RNF10: variants seen among roughly 807,000 people sequenced by gnomAD.
The protein encoded by RNF10 is ring finger protein 10, also known as E3 ubiquitin-protein ligase RNF10.
In RNF10, 38 loss-of-function variants were observed where a neutral mutation model predicts 91.4. The ratio of observed to expected loss-of-function variants is 0.42; its 90% CI spans 0.32 to 0.54. RNF10 has a LOEUF of 0.54. RNF10 is among the 20% of genes least tolerant of loss of function. RNF10 has a pLI of 0.16. For synonymous variants in RNF10, 364 were observed against 366.3 expected (o/e 0.99, Z 0.07); for missense variants, 945 against 1,012.0 (o/e 0.93, Z 0.90).
At chr12:120,568,597 T>C (rs1876127590) in intron 13 of RNF10, among the ~76,000 whole-genome samples, 1 of 151,558 alleles carries the variant, frequency 6.6e-6, no homozygotes, top group Non-Finnish European at 1.5e-5. Flanking sequence ...TGCCTCAGCC[T>C]CATGAGTAGC....
At chr12:120,562,146 C>A (rs1874922835) in intron 7 of RNF10, among the ~76,000 whole-genome samples, 1 of 152,102 alleles carries the variant, frequency 6.6e-6, no homozygotes, top group Admixed American at 6.6e-5. Flanking sequence ...CCTCCCTCCT[C>A]CCACTCTCCA....
At chr12:120,545,932 G>A (rs1171109341) in intron 1 of RNF10, among the ~76,000 whole-genome samples, 1 of 152,214 alleles carries the variant, frequency 6.6e-6, no homozygotes, top group Non-Finnish European at 1.5e-5. Context: ...CAGTTTTGCT[G>A]TTAATGCCTT....
intron 1 of RNF10, among the ~76,000 whole-genome samples, chr12:120,539,724 T>G (rs1172830640): frequency 6.6e-6 from 1 of 152,128 alleles, no homozygotes; most frequent in Non-Finnish European, 1.5e-5. Flanking sequence ...TTAAGTCATT[T>G]ATTTGTCGAC....
chr12:120,576,515 T>A, intron 16 of RNF10, 75 bp from the exon 17 acceptor site: 1 of 1,552,642 alleles, frequency 6.4e-7, no homozygotes, highest in Non-Finnish European at 8.7e-7. Context: ...ACTCTGTGAC[T>A]CTCAGTAATG....
At chr12:120,550,596 T>C (rs1872900525) in intron 2 of RNF10, among the ~76,000 whole-genome samples, 1 of 151,936 alleles carries the variant, frequency 6.6e-6, no homozygotes, top group African/African-American at 2.4e-5. Context: ...TTTTTGTTTT[T>C]TGTTTGCTTT....
intron 14 of RNF10, chr12:120,574,633 G>T (rs1290065873): frequency 1.2e-5 from 5 of 432,896 alleles, no homozygotes; most frequent in Non-Finnish European, 2.3e-5. Flanking sequence ...GTTTAAAACT[G>T]GAGGGTACTT....
At position 120,576,616 on chromosome 12, in the gene RNF10, AAAC is replaced by A; in HGVS notation, c.2388_2390del (p.Gln797del). The A allele has an allele frequency of 6.2e-7, 1 of 1,613,972 alleles. No homozygotes were observed. Among genetic ancestry groups the A allele is most frequent in the African/African-American group, 1.3e-5 (1 of 75,036 alleles). On this transcript the variant is annotated inframe_deletion, in exon 17 of 17. Coordinates refer to ENST00000325954, the MANE Select transcript of RNF10 (RefSeq NM_014868.5). ...AGAGAAAGGAGGAAAGAAAAGAAAA[AAAC>A]AGAAACAGAAGCTCCTGTTCAGCAC... is the stretch of plus-strand genomic sequence containing the variant.
At position 120,544,485 on chromosome 12, in the gene RNF10, C is replaced by G. The variant is rs1479414278; in HGVS notation, c.158-1920C>G. 2.0e-5 allele frequency among the ~76,000 whole-genome samples: 3 copies of G among 152,046 alleles called. No homozygotes were observed. In the East Asian group the frequency reaches 5.8e-4, roughly 29 times the overall value. ...CAGCCTGGGCAACAAAGGCAAACCT[C>G]GTCTCTACAAAAAACACAAAAATCA... On this transcript the variant is annotated intron_variant, in intron 1 of 16. Transcript: ENST00000325954.
rs1272135882 is a variant in RNF10 at position 120,565,419 on chromosome 12, A to G, written c.1784-9A>G. 6.2e-7 allele frequency: 1 copy of G among 1,613,614 alleles called. No homozygotes were observed. Among genetic ancestry groups the G allele is most frequent in the Non-Finnish European group, 8.5e-7 (1 of 1,179,684 alleles). On this transcript the variant is annotated splice_polypyrimidine_tract_variant and intron_variant, in intron 11 of 16. Transcript: ENST00000325954. ...GGGTCTACCTCTTTACAACCTGACCAATCTGCAGATGACATTGAGAAGAGG... is the reference window on the plus strand; with the variant it reads ...GGGTCTACCTCTTTACAACCTGACCGATCTGCAGATGACATTGAGAAGAGG...
At chr12:120,541,031 A>AT (rs1489606625) in intron 1 of RNF10, among the ~76,000 whole-genome samples, 30 of 151,820 alleles carry the variant, frequency 2.0e-4, no homozygotes, top group African/African-American at 6.8e-4. Flanking sequence ...AATTTTTTGT[A>AT]TTTTTAGTAG....
chr12:120,572,057 G>A (rs1876709839), intron 14 of RNF10, among the ~76,000 whole-genome samples: 1 of 125,660 alleles, frequency 8.0e-6, no homozygotes, highest in Non-Finnish European at 1.7e-5. Context: ...TCATTATCTT[G>A]ACAGTTTTTT....
intron 2 of RNF10, among the ~76,000 whole-genome samples, chr12:120,547,790 T>C (rs956821683): frequency 1.3e-5 from 2 of 152,144 alleles, no homozygotes; most frequent in African/African-American, 2.4e-5. Flanking sequence ...TGGCTTTTGT[T>C]CAGAGAGATG....
At chr12:120,548,547 G>C (rs1486232467) in intron 2 of RNF10, among the ~76,000 whole-genome samples, 2 of 152,210 alleles carry the variant, frequency 1.3e-5, no homozygotes, top group East Asian at 3.9e-4. Context: ...AGGAGGATGG[G>C]AAGAAGAAAC....
intron 16 of RNF10, 148 bp from the exon 17 acceptor site, chr12:120,576,442 G>A: frequency 1.6e-6 from 2 of 1,231,602 alleles, no homozygotes; most frequent in Non-Finnish European, 2.2e-6. Context: ...CCCACTTGGT[G>A]TATACCAAGA....
chr12:120,566,457 T>C (rs956570649), intron 12 of RNF10, among the ~76,000 whole-genome samples: 5 of 152,106 alleles, frequency 3.3e-5, no homozygotes, highest in African/African-American at 1.2e-4. Flanking sequence ...TCCTCAACTG[T>C]TGGAAACTAT....
At chr12:120,560,961 C>A in intron 7 of RNF10, 75 bp downstream of exon 7, 1 of 1,457,004 alleles carries the variant, frequency 6.9e-7, no homozygotes, top group Non-Finnish European at 9.4e-7. Context: ...AAATGCTAAA[C>A]CTTTTCACTC....
intron 15 of RNF10, 50 bp downstream of exon 15, chr12:120,575,738 G>C: frequency 6.2e-7 from 1 of 1,613,966 alleles, no homozygotes; most frequent in Non-Finnish European, 8.5e-7. Context: ...TTCCATAAAA[G>C]GCTGTTTCTA....
chr12:120,574,295 T>G (rs1464395119), intron 14 of RNF10, among the ~76,000 whole-genome samples: 1 of 152,214 alleles, frequency 6.6e-6, no homozygotes, highest in Non-Finnish European at 1.5e-5. Flanking sequence ...TTGAACCCCA[T>G]GGGGTTTGTC....
chr12:120,560,269 A>G (rs1472175800), intron 6 of RNF10, among the ~76,000 whole-genome samples: 1 of 151,392 alleles, frequency 6.6e-6, no homozygotes, highest in Non-Finnish European at 1.5e-5. Context: ...CTCCTGCCTC[A>G]GCCTCCCAAG....
Sources: allele counts gnomAD v4.1 joint callset (sites outside exome capture counted in the v4.1 genomes callset), GRCh38; gene constraint gnomAD v4.1.1; transcripts MANE v1.5; gene names NCBI Gene and HGNC (gene_info 2026-07-23, HGNC 2026-07-21).